FRMD6: variants seen among roughly 807,000 people sequenced by gnomAD.
The protein encoded by FRMD6 is FERM domain-containing protein 6.
Under a neutral mutation model 73.2 loss-of-function variants are expected in FRMD6, and 37 were observed. The ratio of observed to expected loss-of-function variants is 0.51; its 90% confidence interval spans 0.39 to 0.66. The LOEUF is 0.66. Among genes scored for constraint, FRMD6 ranks in the 30% least tolerant of loss-of-function variants. The pLI is 0.00. For missense variants in FRMD6, 714 were observed against 780.5 expected, an observed-to-expected ratio of 0.91 and a Z score of 1.02; for synonymous variants, 273 against 282.2, an observed-to-expected ratio of 0.97 and a Z score of 0.33.
At chr14:51,582,880 C>T (rs892835985) in intron 2 of FRMD6, among the ~76,000 whole-genome samples, 2 of 152,146 alleles carry the variant, frequency 1.3e-5, no homozygotes, top group Non-Finnish European at 2.9e-5. Context: ...AAAATAAACA[C>T]ATTTCATCTT....
chr14:51,544,608 T>C (rs903600729), intron 1 of FRMD6, among the ~76,000 whole-genome samples: 3 of 151,998 alleles, frequency 2.0e-5, no homozygotes, highest in African/African-American at 7.2e-5. Context: ...CCAAAGTGCT[T>C]TCATGTCTAT....
intron 1 of FRMD6, among the ~76,000 whole-genome samples, chr14:51,665,828 T>C (rs1423929914): frequency 2.0e-5 from 3 of 152,152 alleles, no homozygotes; most frequent in Non-Finnish European, 4.4e-5. Flanking sequence ...CAAGATCTAG[T>C]GGTTTTAAAA....
At chr14:51,491,108 G>T (rs1882978318) in intron 1 of FRMD6, among the ~76,000 whole-genome samples, 1 of 152,116 alleles carries the variant, frequency 6.6e-6, no homozygotes, top group South Asian at 2.1e-4. Flanking sequence ...CTCTTCCCTG[G>T]GTGTCTCCAA....
intron 2 of FRMD6, among the ~76,000 whole-genome samples, chr14:51,588,960 A>T (rs181080373): frequency 1.3e-5 from 2 of 152,292 alleles, no homozygotes; most frequent in East Asian, 3.9e-4. Flanking sequence ...CATAAGCCCT[A>T]AACTGTCCAG....
At chr14:51,501,744 A>G (rs1051632653) in intron 1 of FRMD6, among the ~76,000 whole-genome samples, 3 of 152,136 alleles carry the variant, frequency 2.0e-5, no homozygotes, top group Non-Finnish European at 4.4e-5. Context: ...ATACCCAGTA[A>G]TGGGATTGCT....
chr14:51,718,556 G>T (rs1238496556), intron 10 of FRMD6, among the ~76,000 whole-genome samples: 3 of 152,142 alleles, frequency 2.0e-5, no homozygotes, highest in Non-Finnish European at 4.4e-5. Flanking sequence ...AGTAATTTTT[G>T]CAAACTGCTT....
At chr14:51,441,367 G>T in the FRMD6 span, among the ~76,000 whole-genome samples, 6 of 152,182 alleles carry the variant, frequency 3.9e-5, no homozygotes, top group Non-Finnish European at 8.8e-5. Flanking sequence ...ATCTATAGAG[G>T]CTTGTGGCTA....
In FRMD6 at chr14:51,599,058, C is replaced by CTTTTTTTTTTTTTT. The variant is rs59151771; in HGVS notation, c.-147+28662_-147+28675dup. 1.3e-3 allele frequency among the ~76,000 whole-genome samples: 92 copies of CTTTTTTTTTTTTTT among 72,822 alleles called. 7 individuals are homozygous for CTTTTTTTTTTTTTT. Among genetic ancestry groups the CTTTTTTTTTTTTTT allele is most frequent in the African/African-American group, 3.1e-3 (57 of 18,186 alleles). 47.8% of individuals were successfully genotyped at this position (72,822 alleles called of 152,430 possible). On this transcript the variant is annotated intron_variant, in intron 2 of 14. Transcript: ENST00000356218. ...TCTCAGCAGCCTTGCCAGTATCTGT[C>CTTTTTTTTTTTTTT]TTTTTTTTTTTTTTTTTTTTTTTTT...
intron 1 of FRMD6, among the ~76,000 whole-genome samples, chr14:51,555,123 A>C (rs764022226): frequency 1.3e-5 from 2 of 152,232 alleles, no homozygotes; most frequent in Admixed American, 6.5e-5. Flanking sequence ...AGTGATGTAA[A>C]AACAGGCATC....
intron 1 of FRMD6, among the ~76,000 whole-genome samples, chr14:51,515,874 A>G (rs1272915839): frequency 1.3e-5 from 2 of 152,214 alleles, no homozygotes; most frequent in Non-Finnish European, 2.9e-5. Flanking sequence ...AGGGAAAGCC[A>G]GCTTCCAATA....
intron 1 of FRMD6, among the ~76,000 whole-genome samples, chr14:51,564,151 A>G (rs1887647509): frequency 6.6e-6 from 1 of 152,164 alleles, no homozygotes; most frequent in Admixed American, 6.5e-5. Context: ...TCCCTTGGTC[A>G]TGTTCAAGTT....
the FRMD6 span, among the ~76,000 whole-genome samples, chr14:51,442,616 C>A: frequency 0.53 from 80,735 of 151,872 alleles, 21,929 homozygotes; most frequent in East Asian, 0.68. Flanking sequence ...CTGCTCCCCA[C>A]ATATTATAAG....
chr14:51,615,955 G>T (rs536461757), intron 2 of FRMD6, among the ~76,000 whole-genome samples: 1 of 152,314 alleles, frequency 6.6e-6, no homozygotes, highest in East Asian at 1.9e-4. Context: ...TTCTAAAGAT[G>T]CAGGAGACTT....
At chr14:51,433,991 C>T in the FRMD6 span, among the ~76,000 whole-genome samples, 1 of 152,134 alleles carries the variant, frequency 6.6e-6, no homozygotes, top group African/African-American at 2.4e-5. Context: ...TAGGGATATG[C>T]TTTAGCAATT....
At chr14:51,402,828 TG>T in the FRMD6 span, among the ~76,000 whole-genome samples, 36 of 152,136 alleles carry the variant, frequency 2.4e-4, no homozygotes, top group East Asian at 7.0e-3. Flanking sequence ...TTAGTAGAGA[TG>T]GGGTTTCACC....
the FRMD6 span, among the ~76,000 whole-genome samples, chr14:51,425,055 C>T: frequency 2.0e-5 from 3 of 152,198 alleles, no homozygotes; most frequent in African/African-American, 7.2e-5. Context: ...AGGGCCATTG[C>T]ATCCACTTCA....
upstream of FRMD6, chr14:51,649,531 A>T (rs1255306617): frequency 6.6e-6 from 1 of 152,186 alleles, no homozygotes. Context: ...CAAGATAGTG[A>T]TATATTATTC....
chr14:51,425,512 C>A, the FRMD6 span, among the ~76,000 whole-genome samples: 13 of 152,184 alleles, frequency 8.5e-5, no homozygotes, highest in Non-Finnish European at 8.8e-5. Context: ...CGCCCACTGG[C>A]TCCTCATCTG....
At chr14:51,537,312 C>T (rs776335637) in intron 1 of FRMD6, among the ~76,000 whole-genome samples, 8 of 152,092 alleles carry the variant, frequency 5.3e-5, no homozygotes, top group Non-Finnish European at 1.2e-4. Flanking sequence ...AAGTTTCCTC[C>T]GTGTCTTTTC....
Sources: gnomAD v4.1 joint callset for allele counts (sites outside exome capture counted in the v4.1 genomes callset) on GRCh38, gnomAD v4.1.1 for gene constraint, MANE v1.5 for transcripts, NCBI Gene and HGNC (gene_info 2026-07-23, HGNC 2026-07-21) for gene names.